The following RTTN variants were observed in gnomAD, a reference collection of about 807,000 sequenced individuals.
RTTN encodes the protein rotatin.
A neutral mutation model predicts 269.2 loss-of-function variants in RTTN; 182 were observed. The ratio of observed to expected loss-of-function variants is 0.68; its 90% confidence interval spans 0.60 to 0.76. The LOEUF is 0.76. RTTN is among the 30% of genes least tolerant of loss of function. The pLI, the probability that RTTN is intolerant of heterozygous loss-of-function variation, is 0.00. For missense variants in RTTN, 2,545 were observed against 2,608.6 expected, an observed-to-expected ratio of 0.98 and a Z score of 0.53; for synonymous variants, 1,006 against 963.5, an observed-to-expected ratio of 1.04 and a Z score of -0.82.
intron 34 of RTTN, among the ~76,000 whole-genome samples, 196 bp from the exon 35 acceptor site, chr18:70,066,118 T>C (rs1339122054): frequency 6.6e-6 from 1 of 152,186 alleles, no homozygotes; most frequent in Non-Finnish European, 1.5e-5. Context: ...AAAGGAATTG[T>C]TATCATTTAC....
In RTTN at chr18:70,176,721, G is replaced by C. The variant is rs777309515; in HGVS notation, c.1430C>G (p.Ser477Cys). 2.5e-6 allele frequency: 4 copies of C among 1,614,014 alleles called. No individual in the cohort carries two copies. The Middle Eastern group carries it at 6.6e-4, about 266-fold the overall frequency. The change falls in exon 11 of 49, where the codon TCC becomes TGC. Residue 477 changes from serine (S) to cysteine (C), a missense_variant. Physicochemically the swap from Ser to Cys is moderately radical, Grantham distance 112. Transcript: ENST00000640769. ...VHHRMAFISI[S>C]LFAVRLLQTL... ...TTGTAGCAGTCGAACTGCAAACAGG[G>C]AAATGCTGATAAAGGCCATTCTGTG...
chr18:70,130,369 A>T (rs1158837122), intron 23 of RTTN: 1 of 152,102 alleles, frequency 6.6e-6, no homozygotes, highest in Non-Finnish European at 1.5e-5. Context: ...CAAGATATGG[A>T]ATCTACCTAA....
At chr18:70,163,068 TTAAAA>T (rs2060884045) in intron 14 of RTTN, among the ~76,000 whole-genome samples, 2 of 11,710 alleles carry the variant, frequency 1.7e-4, no homozygotes, top group African/African-American at 2.6e-4. Flanking sequence ...GTTACTATTA[TTAAAA>T]AAAAAAAAAA....
intron 28 of RTTN, among the ~76,000 whole-genome samples, chr18:70,101,185 A>G (rs1331018795): frequency 6.6e-6 from 1 of 152,184 alleles, no homozygotes; most frequent in Non-Finnish European, 1.5e-5. Context: ...GGTAGAATTC[A>G]GCTGTGAATC....
intron 28 of RTTN, among the ~76,000 whole-genome samples, chr18:70,099,866 G>A (rs926624363): frequency 1.3e-5 from 2 of 152,132 alleles, no homozygotes; most frequent in Non-Finnish European, 1.5e-5. Context: ...CTTTTTGTCA[G>A]GTTTGTCAAA....
chr18:70,203,986 G>A (rs371357448), intron 3 of RTTN, 100 bp downstream of exon 3: 1 of 876,292 alleles, frequency 1.1e-6, no homozygotes, highest in East Asian at 2.7e-5. Context: ...AAGTTTGGGG[G>A]AGGTGGGAGA....
At chr18:70,169,619 T>C (rs547675582) in intron 11 of RTTN, among the ~76,000 whole-genome samples, 16 of 152,134 alleles carry the variant, frequency 1.1e-4, no homozygotes, top group Non-Finnish European at 1.9e-4. Context: ...AAATCCAATA[T>C]AATATTTTAA....
rs764353493 is a variant in RTTN at position 70,006,458 on chromosome 18, A to T, written c.6448T>A (p.Cys2150Ser). Residue 2150 changes from cysteine (C) to serine (S), a missense_variant, in exon 47 of 49, where the codon TGT becomes AGT. By Grantham distance (112) the Cys-to-Ser change is moderately radical (BLOSUM62 -1). Coordinates refer to ENST00000640769, the MANE Select transcript of RTTN (RefSeq NM_173630.4). The part of the protein sequence containing the change: ...NEKVITVLAA[C>S]LESENQNAQR... ...GCATTTTGATTCTCACTTTCCAGAC[A>T]GGCAGCAAGCACAGTAATGACTTTT... The T allele has an allele frequency of 1.1e-5, 18 of 1,613,936 alleles. No homozygotes were observed. In the East Asian group the frequency reaches 3.6e-4, roughly 32 times the overall value.
At position 70,127,629 on chromosome 18, in the gene RTTN, T is replaced by G. The variant is rs2059898981; in HGVS notation, c.3256A>C (p.Arg1086=). The G allele has an allele frequency of 1.2e-6, 2 of 1,613,576 alleles. No homozygotes were observed. The highest frequency in any genetic ancestry group is 1.7e-6 in the Non-Finnish European group (2 of 1,179,742). ...LHSIVQAATH[R]EVRAAVTRMS... is the part of the protein sequence containing the mutation. ...CTGGTGACAGCAGCCCTAACTTCCC[T>G]GTGGGTTGCAGCCTGAACAATGGAA... Residue 1086 remains arginine (R), a synonymous_variant, in exon 25 of 49, where the codon AGG becomes CGG. Coordinates refer to ENST00000640769, the MANE Select transcript of RTTN (RefSeq NM_173630.4).
rs937213783 is a variant in RTTN at position 70,142,338 on chromosome 18, TCAA to T, written c.2528_2530del (p.Val843del). On this transcript the variant is annotated inframe_deletion, in exon 19 of 49. Transcript: ENST00000640769. ...AGCAGCTGACTTTCTCAAAACGAGA[TCAA>T]CATCATCTGAGGTGAAGATTTCATA... The T allele has an allele frequency of 1.2e-6, 2 of 1,607,828 alleles. No individual in the cohort carries two copies. The highest frequency in any genetic ancestry group is 3.3e-5 in the Admixed American group (2 of 59,768).
At chr18:70,139,818 C>G in intron 20 of RTTN, 102 bp from the exon 21 acceptor site, 1 of 749,452 alleles carries the variant, frequency 1.3e-6, no homozygotes. Flanking sequence ...GCGTTTTCAT[C>G]AAAATTATCT....
In RTTN at chr18:70,092,668, G is replaced by A. The variant is rs372935734; in HGVS notation, c.4032+8C>T. On this transcript the variant is annotated splice_region_variant and intron_variant, in intron 29 of 48. Transcript: ENST00000640769. ...TGTTCAGAAGATAGACAGCTTTAAC[G>A]CGCTCACCAAGCTCCCAGCCTGGGC... 145 of 1,611,248 alleles carry A rather than the reference G, an allele frequency of 9.0e-5. No individual in the cohort carries two copies. The highest frequency in any genetic ancestry group is 2.5e-4 in the Admixed American group (15 of 59,946).
At chr18:70,064,457 T>C (rs1414834147) in intron 35 of RTTN, among the ~76,000 whole-genome samples, 1 of 151,276 alleles carries the variant, frequency 6.6e-6, no homozygotes, top group Non-Finnish European at 1.5e-5. Flanking sequence ...TATCACGTGA[T>C]GAATGGGTAA....
At chr18:70,153,306 C>T (rs2060588607) in intron 14 of RTTN, among the ~76,000 whole-genome samples, 2 of 151,924 alleles carry the variant, frequency 1.3e-5, no homozygotes, top group Non-Finnish European at 2.9e-5. Context: ...TATACACACA[C>T]ACATACACAT....
intron 32 of RTTN, among the ~76,000 whole-genome samples, chr18:70,081,484 T>C (rs1438121471): frequency 6.6e-6 from 1 of 152,160 alleles, no homozygotes; most frequent in African/African-American, 2.4e-5. Context: ...TCAAAGTTAG[T>C]ATCACCAACA....
Position 70,199,449 on chromosome 18 carries a change from G to A in RTTN, c.543C>T (p.Thr181=), listed in dbSNP as rs772983600. The A allele has an allele frequency of 1.2e-6, 2 of 1,612,902 alleles. No homozygotes were observed. The highest frequency in any genetic ancestry group is 8.5e-7 in the Non-Finnish European group (1 of 1,179,140). ...AGGAGAGGACATGTCTGTCTGTGGT[G>A]GTCAGGGGTAGCCAAGGAAATGTAG... is the stretch of plus-strand genomic sequence containing the variant. ...KFSTFPWLPL[T]TTDRHVLSSN... The change falls in exon 5 of 49, where the codon ACC becomes ACT. Residue 181 remains threonine, a synonymous_variant. Transcript: ENST00000640769.
chr18:70,203,490 A>C (rs2062004500), intron 3 of RTTN, among the ~76,000 whole-genome samples: 2 of 152,168 alleles, frequency 1.3e-5, no homozygotes, highest in African/African-American at 4.8e-5. Flanking sequence ...CACCATGCCC[A>C]GCCCGGTGTT....
chr18:70,179,233 A>G (rs550934044), intron 10 of RTTN, among the ~76,000 whole-genome samples: 6 of 152,224 alleles, frequency 3.9e-5, no homozygotes, highest in Non-Finnish European at 7.4e-5. Flanking sequence ...AATTGGAAAT[A>G]CAGTGACAGT....
chr18:70,095,327 T>C (rs912489795), intron 28 of RTTN, among the ~76,000 whole-genome samples: 2 of 152,180 alleles, frequency 1.3e-5, no homozygotes, highest in Admixed American at 6.5e-5. Context: ...TATGTGTGAA[T>C]TGATCCTGTC....
Sources: gnomAD v4.1 joint callset for allele counts (sites outside exome capture counted in the v4.1 genomes callset) on GRCh38, gnomAD v4.1.1 for gene constraint, MANE v1.5 for transcripts, NCBI Gene and HGNC (gene_info 2026-07-23, HGNC 2026-07-21) for gene names.